ARL6IP1: variants seen among roughly 807,000 people sequenced by gnomAD.
The protein encoded by ARL6IP1 is ARL6 interacting reticulophagy regulator 1, also known as ADP-ribosylation factor-like protein 6-interacting protein 1.
A neutral mutation model predicts 30.1 loss-of-function variants in ARL6IP1; 16 were observed. The ratio of observed to expected loss-of-function variants is 0.53; its 90% CI spans 0.36 to 0.81. The LOEUF is 0.81. Among genes scored for constraint, ARL6IP1 ranks in the 30% least tolerant of loss-of-function variants. ARL6IP1 has a pLI of 0.01. For synonymous variants in ARL6IP1, 72 were observed against 84.8 expected, an observed-to-expected ratio of 0.85 and a Z score of 0.83; for missense variants, 173 against 242.7, an observed-to-expected ratio of 0.71 and a Z score of 1.91.
chr16:18,796,157 C>T (rs2030225141), intron 3 of ARL6IP1, among the ~76,000 whole-genome samples: 1 of 152,192 alleles, frequency 6.6e-6, no homozygotes, highest in Non-Finnish European at 1.5e-5. Flanking sequence ...ACAAACAACA[C>T]AGCAGTAAAA....
chr16:18,792,297 A>T lies in ARL6IP1; in HGVS notation c.*955T>A, dbSNP rs2030091518. On this transcript the variant is annotated 3_prime_UTR_variant, in exon 6 of 6. Coordinates refer to ENST00000304414, the MANE Select transcript of ARL6IP1 (RefSeq NM_015161.3). ...GGGGACTAAAATGGTCAGTATTACCATAAAATGATAATTTTGAGGTTTACC... is the reference window on the plus strand; with the variant it reads ...GGGGACTAAAATGGTCAGTATTACCTTAAAATGATAATTTTGAGGTTTACC... 1.3e-5 allele frequency: 2 copies of T among 152,216 alleles called. No homozygotes were observed. Among genetic ancestry groups the T allele is most frequent in the South Asian group, 4.1e-4 (2 of 4,832 alleles). 9.4% of individuals were successfully genotyped at this position (152,216 alleles called of 1,614,324 possible).
chr16:18,800,265 G>C lies in ARL6IP1; in HGVS notation c.36+1166C>G, dbSNP rs540244213. Among the ~76,000 whole-genome samples the C allele has an allele frequency of 2.0e-5, 3 of 152,202 alleles. No homozygotes were observed. In the South Asian group the frequency reaches 6.2e-4, roughly 32 times the overall value. On this transcript the variant is annotated intron_variant, in intron 1 of 5. Coordinates refer to ENST00000304414, the MANE Select transcript of ARL6IP1 (RefSeq NM_015161.3). The stretch of plus-strand genomic sequence containing the variant: ...ACCCTTAAAAAAAGGTGTTATTACT[G>C]TCCCCATTTTACCAAGGAGGAAACA...
At chr16:18,794,013 G>A (rs2030155258) in intron 5 of ARL6IP1, among the ~76,000 whole-genome samples, 1 of 152,152 alleles carries the variant, frequency 6.6e-6, no homozygotes, top group Admixed American at 6.5e-5. Flanking sequence ...GTGCAGTGGT[G>A]TGATCTCAGC....
At chr16:18,800,432 T>A (rs528830331) in intron 1 of ARL6IP1, among the ~76,000 whole-genome samples, 25 of 152,332 alleles carry the variant, frequency 1.6e-4, no homozygotes, top group African/African-American at 5.8e-4. Context: ...GGGCTTGAGC[T>A]ACTTCTCTGT....
At chr16:18,800,893 G>T (rs1021743923) in intron 1 of ARL6IP1, among the ~76,000 whole-genome samples, 1 of 151,076 alleles carries the variant, frequency 6.6e-6, no homozygotes, top group African/African-American at 2.4e-5. Flanking sequence ...ACATCCCATT[G>T]TCTGTTCAGC....
chr16:18,799,108 C>G (rs184925567), intron 1 of ARL6IP1, among the ~76,000 whole-genome samples: 1 of 151,558 alleles, frequency 6.6e-6, no homozygotes, highest in African/African-American at 2.4e-5. Context: ...CAGCCTCCGC[C>G]TCCTGGGTTC....
At chr16:18,798,915 C>T in intron 1 of ARL6IP1, 81 bp from the exon 2 acceptor site, 1 of 1,390,186 alleles carries the variant, frequency 7.2e-7, no homozygotes. Flanking sequence ...TATTTTAAAG[C>T]TCCAAATACA....
At chr16:18,793,598 A>AT (rs1192279645) in intron 5 of ARL6IP1, among the ~76,000 whole-genome samples, 2 of 150,228 alleles carry the variant, frequency 1.3e-5, no homozygotes, top group Non-Finnish European at 2.9e-5. Context: ...CGCCTGACTA[A>AT]TTTTGTATTT....
intron 2 of ARL6IP1, 39 bp from the exon 3 acceptor site, chr16:18,798,083 A>T: frequency 6.5e-7 from 1 of 1,532,402 alleles, no homozygotes; most frequent in Non-Finnish European, 8.8e-7. Flanking sequence ...AAACATAGTC[A>T]TTATTATTCC....
Position 18,797,981 on chromosome 16 carries a change from G to C in ARL6IP1, c.234C>G (p.Cys78Trp). ...SGVSCFVMFLCLADYLVPILA... is the reference protein window; with the variant it reads ...SGVSCFVMFLWLADYLVPILA... ...GAATGGGAACAAGGTAGTCAGCCAA[G>C]CACAAAAACATAACAAAACAGGAAA... Residue 78 changes from cysteine (C) to tryptophan (W), a missense_variant, in exon 3 of 6, where the codon TGC becomes TGG. Physicochemically the swap from Cys to Trp is radical, Grantham distance 215. Transcript: ENST00000304414. 6.2e-7 allele frequency: 1 copy of C among 1,613,776 alleles called. No individual in the cohort carries two copies. Among genetic ancestry groups the C allele is most frequent in the Non-Finnish European group, 8.5e-7 (1 of 1,179,870 alleles).
intron 5 of ARL6IP1, among the ~76,000 whole-genome samples, chr16:18,794,222 G>C (rs990435726): frequency 1.3e-5 from 2 of 152,176 alleles, no homozygotes; most frequent in African/African-American, 4.8e-5. Flanking sequence ...AAAGTGCTGG[G>C]ATTACAGGCT....
In ARL6IP1 at chr16:18,794,646, G is replaced by A. The variant is rs1185023950; in HGVS notation, c.446C>T (p.Ala149Val). ...GTTGTGGACTTGTTGTCCCACCCAA[G>A]CAACCGCAGCAAGGGAAACGATCAT... ...MTMIVSLAAVAWVGQQVHNLL... is the reference protein window; with the variant it reads ...MTMIVSLAAVVWVGQQVHNLL... Residue 149 changes from alanine (A) to valine (V), a missense_variant, in exon 5 of 6, where the codon GCT becomes GTT. Physicochemically the swap from Ala to Val is moderately conservative, Grantham distance 64. Coordinates refer to ENST00000304414, the MANE Select transcript of ARL6IP1 (RefSeq NM_015161.3). The A allele has an allele frequency of 1.9e-6, 3 of 1,613,388 alleles. No individual in the cohort carries two copies. Among genetic ancestry groups the A allele is most frequent in the Admixed American group, 1.7e-5 (1 of 59,986 alleles).
At chr16:18,795,408 CGAATT>C (rs1302862886) in intron 4 of ARL6IP1, 51 bp downstream of exon 4, 25 of 1,252,894 alleles carry the variant, frequency 2.0e-5, no homozygotes, top group Non-Finnish European at 2.7e-5. Context: ...GACAAAAAGG[CGAATT>C]GACTCAAATC....
chr16:18,798,924 C>CA (rs1411461618), intron 1 of ARL6IP1, 90 bp from the exon 2 acceptor site: 2 of 1,353,106 alleles, frequency 1.5e-6, no homozygotes, highest in Non-Finnish European at 2.0e-6. Flanking sequence ...GCTCCAAATA[C>CA]AAAAAATAAC....
chr16:18,800,171 GAA>G (rs775253313), intron 1 of ARL6IP1, among the ~76,000 whole-genome samples: 17 of 152,154 alleles, frequency 1.1e-4, no homozygotes, highest in Non-Finnish European at 2.4e-4. Flanking sequence ...TAATACTAGT[GAA>G]AGAGACTACT....
At position 18,792,272 on chromosome 16, in the gene ARL6IP1, G is replaced by T. The variant is rs2030090658; in HGVS notation, c.*980C>A. The T allele has an allele frequency of 6.6e-6, 1 of 152,138 alleles. No individual in the cohort carries two copies. Among genetic ancestry groups the T allele is most frequent in the Non-Finnish European group, 1.5e-5 (1 of 68,028 alleles). The allele number at this position is 152,138 out of a possible 1,614,324, so 9.4% of individuals were successfully genotyped here. A position where few individuals can be genotyped will look rare whatever the true frequency, so the allele number is the denominator to read the frequency against. ...GTCACTATCTCCCATGTCAAACCTA[G>T]GGGACTAAAATGGTCAGTATTACCA... On this transcript the variant is annotated 3_prime_UTR_variant, in exon 6 of 6. Transcript: ENST00000304414.
chr16:18,797,176 G>C (rs373265159), intron 3 of ARL6IP1, among the ~76,000 whole-genome samples: 1 of 151,556 alleles, frequency 6.6e-6, no homozygotes, highest in Non-Finnish European at 1.5e-5. Flanking sequence ...TCAGGAGATC[G>C]AGACCATCCT....
At chr16:18,793,974 A>G (rs1252080142) in intron 5 of ARL6IP1, among the ~76,000 whole-genome samples, 1 of 143,962 alleles carries the variant, frequency 6.9e-6, no homozygotes, top group Non-Finnish European at 1.5e-5. Flanking sequence ...TTACGTGTGT[A>G]TGGCGGTGGT....
At chr16:18,795,421 A>G (rs748957235) in intron 4 of ARL6IP1, 43 bp downstream of exon 4, 1 of 1,417,264 alleles carries the variant, frequency 7.1e-7, no homozygotes, top group African/African-American at 1.4e-5. Context: ...ATTGACTCAA[A>G]TCTTAAAATT....
Sources: gnomAD v4.1 joint callset for allele counts (sites outside exome capture counted in the v4.1 genomes callset) on GRCh38, gnomAD v4.1.1 for gene constraint, MANE v1.5 for transcripts, NCBI Gene and HGNC (gene_info 2026-07-23, HGNC 2026-07-21) for gene names.